The following RIMS2 variants were observed in gnomAD, a reference collection of about 807,000 sequenced individuals.
RIMS2 encodes regulating synaptic membrane exocytosis protein 2.
Under a neutral mutation model 174.4 loss-of-function variants are expected in RIMS2, and 59 were observed. The observed-to-expected ratio is 0.34, with a 90% CI of 0.27 to 0.42. The LOEUF is 0.42. Ranked by LOEUF, RIMS2 falls within the 10% of genes least tolerant of loss-of-function variation. The probability of loss-of-function intolerance (pLI) is 1.00; values close to 1 mark genes in which losing one functional copy is unlikely to be tolerated. For synonymous variants in RIMS2, 606 were observed against 572.5 expected (o/e 1.06, Z -0.84); for missense variants, 1,620 against 1,666.3 (o/e 0.97, Z 0.48).
At chr8:104,204,875 T>C (rs538961656) in intron 19 of RIMS2, among the ~76,000 whole-genome samples, 2 of 152,324 alleles carry the variant, frequency 1.3e-5, no homozygotes, top group African/African-American at 4.8e-5. Context: ...CAGTTAAGGC[T>C]ATTGTTTGAA....
intron 19 of RIMS2, among the ~76,000 whole-genome samples, chr8:104,203,104 C>T (rs998526451): frequency 5.9e-5 from 9 of 151,922 alleles, no homozygotes; most frequent in South Asian, 2.1e-4. Context: ...CTCCCAGCCC[C>T]GCAAATATAA....
At chr8:103,508,755 C>T (rs1262900394) in intron 1 of RIMS2, among the ~76,000 whole-genome samples, 1 of 152,038 alleles carries the variant, frequency 6.6e-6, no homozygotes, top group African/African-American at 2.4e-5. Flanking sequence ...TTAGGAGATT[C>T]TTACAGTAAT....
At chr8:103,867,610 T>G (rs949380478) in intron 3 of RIMS2, among the ~76,000 whole-genome samples, 2 of 151,948 alleles carry the variant, frequency 1.3e-5, no homozygotes, top group Non-Finnish European at 2.9e-5. Context: ...AAAGTAGCAA[T>G]TGAGAGGAAT....
intron 2 of RIMS2, among the ~76,000 whole-genome samples, chr8:103,717,538 A>G (rs2097387300): frequency 6.6e-6 from 1 of 152,192 alleles, no homozygotes; most frequent in African/African-American, 2.4e-5. Context: ...TTTTGTGTCC[A>G]GAGTTAATGC....
intron 1 of RIMS2, among the ~76,000 whole-genome samples, chr8:103,507,830 C>T (rs1463633508): frequency 6.6e-6 from 1 of 151,930 alleles, no homozygotes; most frequent in Non-Finnish European, 1.5e-5. Flanking sequence ...TTGTGTTTAG[C>T]ACAGATGAGT....
chr8:103,928,209 A>G (rs143251560), intron 11 of RIMS2, among the ~76,000 whole-genome samples: 33 of 151,638 alleles, frequency 2.2e-4, no homozygotes, highest in Admixed American at 5.9e-4. Context: ...AGCTAATTTT[A>G]TGCTGTTGAT....
chr8:103,592,145 G>C (rs1002882513), intron 1 of RIMS2, among the ~76,000 whole-genome samples: 1 of 151,024 alleles, frequency 6.6e-6, no homozygotes, highest in Non-Finnish European at 1.5e-5. Flanking sequence ...AGAATATTTT[G>C]AGAAATTGTT....
intron 19 of RIMS2, among the ~76,000 whole-genome samples, chr8:104,179,222 C>T (rs1472109513): frequency 6.6e-6 from 1 of 151,946 alleles, no homozygotes; most frequent in Non-Finnish European, 1.5e-5. Context: ...AATTAAGAAT[C>T]AGGATTTTCT....
chr8:103,835,754 T>G (rs1056103034), intron 3 of RIMS2, among the ~76,000 whole-genome samples: 1 of 152,248 alleles, frequency 6.6e-6, no homozygotes, highest in African/African-American at 2.4e-5. Flanking sequence ...TTATTGTGTA[T>G]TCTAAATATA....
rs934596500 is a variant in RIMS2, at chr8:104,071,727, C to T, written c.3334+57112C>T. ...CTGGGATTACAGGCATGAGCCACCA[C>T]GCCCGGCCGGGTCCCTGTGTTTTAA... On this transcript the variant is annotated intron_variant, in intron 19 of 23. Coordinates refer to ENST00000504942, the Ensembl canonical transcript of RIMS2. 1.2e-4 allele frequency among the ~76,000 whole-genome samples: 18 copies of T among 152,110 alleles called. No homozygotes were observed. The East Asian group carries it at 2.7e-3, about 23-fold the overall frequency.
At chr8:103,672,657 C>A (rs549377982) in intron 1 of RIMS2, among the ~76,000 whole-genome samples, 2 of 151,946 alleles carry the variant, frequency 1.3e-5, no homozygotes, top group African/African-American at 4.8e-5. Context: ...GGGATCTAGC[C>A]CCATGACCCA....
intron 1 of RIMS2, among the ~76,000 whole-genome samples, chr8:103,562,613 G>A (rs1322435642): frequency 1.3e-5 from 2 of 152,284 alleles, no homozygotes; most frequent in South Asian, 2.1e-4. Context: ...CAGGTGCATG[G>A]TGCAAGCTGT....
intron 1 of RIMS2, among the ~76,000 whole-genome samples, chr8:103,502,538 T>C (rs1269541295): frequency 6.6e-6 from 1 of 152,156 alleles, no homozygotes; most frequent in African/African-American, 2.4e-5. Flanking sequence ...AGCCTTCAGA[T>C]ATGAAGAAAT....
chr8:104,002,479 C>T (rs911753644), intron 17 of RIMS2, among the ~76,000 whole-genome samples: 2 of 152,066 alleles, frequency 1.3e-5, no homozygotes, highest in African/African-American at 2.4e-5. Context: ...TAATTGACCA[C>T]ATAAAAGTGG....
intron 1 of RIMS2, among the ~76,000 whole-genome samples, chr8:103,641,317 A>G (rs2096224830): frequency 2.0e-5 from 3 of 152,148 alleles, no homozygotes; most frequent in African/African-American, 7.2e-5. Flanking sequence ...ATTTTGTAAG[A>G]TTAAATCAGT....
chr8:103,925,253 G>C (rs889410588), intron 10 of RIMS2, among the ~76,000 whole-genome samples: 3 of 151,448 alleles, frequency 2.0e-5, no homozygotes, highest in Admixed American at 1.3e-4. Context: ...GTTGATTTAC[G>C]GTTGCAGTGT....
In RIMS2 at chr8:104,155,358, G is replaced by A. The variant is rs534722151; in HGVS notation, c.3335-89558G>A. ...CCTGACCTCGTGATCTGCCCGCCTC[G>A]GCCTCCCAAAGTGCTGGGATAACAG... On this transcript the variant is annotated intron_variant, in intron 19 of 23. Transcript: ENST00000504942. Among the ~76,000 whole-genome samples, 40 of 150,176 alleles carry A rather than the reference G, an allele frequency of 2.7e-4. 1 individual carries two copies. Among genetic ancestry groups the A allele is most frequent in the Middle Eastern group, 3.6e-3 (1 of 276 alleles).
intron 2 of RIMS2, among the ~76,000 whole-genome samples, chr8:103,701,744 G>T (rs2097170348): frequency 6.6e-6 from 1 of 151,900 alleles, no homozygotes; most frequent in Non-Finnish European, 1.5e-5. Context: ...TTCCATCCAT[G>T]TCACTGCAAA....
chr8:103,558,688 T>C (rs2091000300), intron 1 of RIMS2, among the ~76,000 whole-genome samples: 1 of 152,126 alleles, frequency 6.6e-6, no homozygotes, highest in African/African-American at 2.4e-5. Context: ...TCCTTTGAGA[T>C]TGTAAATATG....
Sources: allele counts gnomAD v4.1 joint callset (sites outside exome capture counted in the v4.1 genomes callset), GRCh38; gene constraint gnomAD v4.1.1; transcripts MANE v1.5; gene names NCBI Gene and HGNC (gene_info 2026-07-23, HGNC 2026-07-21).